The following CACNA1A variants were observed in gnomAD, a reference collection of about 807,000 sequenced individuals.
The protein encoded by CACNA1A is voltage-dependent P/Q-type calcium channel subunit alpha-1A.
A neutral mutation model predicts 262.4 loss-of-function variants in CACNA1A; 57 were observed. The ratio of observed to expected loss-of-function variants is 0.22; its 90% CI spans 0.18 to 0.27. The LOEUF (loss-of-function observed/expected upper bound fraction) is 0.27, where lower values mean the gene tolerates loss of function less well. Ranked by LOEUF, CACNA1A falls within the 10% of genes least tolerant of loss-of-function variation. The probability of loss-of-function intolerance (pLI) is 1.00; values close to 1 mark genes in which losing one functional copy is unlikely to be tolerated. For missense variants in CACNA1A, 2,526 were observed against 3,562.8 expected, an observed-to-expected ratio of 0.71 and a Z score of 7.41; for synonymous variants, 1,431 against 1,419.3, an observed-to-expected ratio of 1.01 and a Z score of -0.18.
At position 13,286,877 on chromosome 19, in the gene CACNA1A, G is replaced by C. The variant is rs763400188; in HGVS notation, c.3179C>G (p.Pro1060Arg). The change falls in exon 20 of 47, where the codon CCC becomes CGC. Residue 1060 changes from proline (P) to arginine (R), a missense_variant. Physicochemically the swap from Pro to Arg is moderately radical, Grantham distance 103. This residue lies in a region of CACNA1A where 765 missense variants were observed against 748.6 expected (regional missense o/e 1.02). Coordinates refer to ENST00000360228, the MANE Select transcript of CACNA1A (RefSeq NM_001127222.2). ...CATGTTGTCAATATCCTCTGCCAGG[G>C]GTGGGTCTTGGCGGCCCAGGTCCTG... ...IQQDLGRQDPPLAEDIDNMKN... is the reference protein window; with the variant it reads ...IQQDLGRQDPRLAEDIDNMKN... 1.3e-5 allele frequency: 21 copies of C among 1,613,692 alleles called. No individual in the cohort carries two copies. The highest frequency in any genetic ancestry group is 1.1e-5 in the Non-Finnish European group (13 of 1,179,876).
At chr19:13,462,180 T>G (rs1405941897) in intron 1 of CACNA1A, among the ~76,000 whole-genome samples, 1 of 152,198 alleles carries the variant, frequency 6.6e-6, no homozygotes, top group Non-Finnish European at 1.5e-5. Context: ...GTGGTGCCCT[T>G]CACCCTCATC....
intron 12 of CACNA1A, among the ~76,000 whole-genome samples, chr19:13,311,474 T>C (rs2058032019): frequency 6.6e-6 from 1 of 152,258 alleles, no homozygotes. Context: ...CTTGTTTGTA[T>C]GTATTTTGTT....
At chr19:13,472,357 G>A (rs1291823209) in intron 1 of CACNA1A, among the ~76,000 whole-genome samples, 1 of 151,924 alleles carries the variant, frequency 6.6e-6, no homozygotes, top group Non-Finnish European at 1.5e-5. Flanking sequence ...TTGTATATAT[G>A]TATATATATT....
chr19:13,338,010 G>A (rs998556312), intron 6 of CACNA1A, among the ~76,000 whole-genome samples: 2 of 152,190 alleles, frequency 1.3e-5, no homozygotes, highest in Non-Finnish European at 2.9e-5. Context: ...ATGAGGTCAG[G>A]AGATCGAGGC....
At position 13,286,740 on chromosome 19, in the gene CACNA1A, T is replaced by TGGGGCC. The variant is rs776584949; in HGVS notation, c.3310_3315dup (p.Gly1104_Pro1105dup). 2 of 1,602,412 alleles carry TGGGGCC rather than the reference T, an allele frequency of 1.2e-6. No homozygotes were observed. Among genetic ancestry groups the TGGGGCC allele is most frequent in the Non-Finnish European group, 1.7e-6 (2 of 1,173,842 alleles). On this transcript the variant is annotated inframe_insertion, in exon 20 of 47. Transcript: ENST00000360228. ...GTGGCCATGGCAGGGATGGCCAGCA[T>TGGGGCC]GGGGCCGGGGTCGGTGCTGTTTCCC...
chr19:13,231,336 A>C (rs2055659514), intron 35 of CACNA1A, among the ~76,000 whole-genome samples: 1 of 152,012 alleles, frequency 6.6e-6, no homozygotes, highest in Non-Finnish European at 1.5e-5. Flanking sequence ...TTGAGTCTCA[A>C]ATGGGGGAAT....
chr19:13,457,840 CA>C (rs1469668144), intron 1 of CACNA1A, among the ~76,000 whole-genome samples: 1 of 76,852 alleles, frequency 1.3e-5, no homozygotes, highest in Non-Finnish European at 2.6e-5. Flanking sequence ...GCAACAAAAG[CA>C]AAACTCCGTT....
intron 3 of CACNA1A, among the ~76,000 whole-genome samples, chr19:13,416,907 G>A (rs2060231941): frequency 6.6e-6 from 1 of 152,174 alleles, no homozygotes; most frequent in South Asian, 2.1e-4. Flanking sequence ...GCTGAGGCAG[G>A]AGGATTGTTG....
intron 3 of CACNA1A, among the ~76,000 whole-genome samples, chr19:13,409,483 C>T (rs181964318): frequency 2.5e-4 from 38 of 152,138 alleles, no homozygotes; most frequent in African/African-American, 8.4e-4. Context: ...TCTGTATCTC[C>T]AGCATCTAGC....
At chr19:13,495,336 G>T (rs1405770480) in intron 1 of CACNA1A, among the ~76,000 whole-genome samples, 2 of 151,906 alleles carry the variant, frequency 1.3e-5, no homozygotes, top group South Asian at 4.1e-4. Flanking sequence ...TCGTTCTGTC[G>T]CCCAAGCTGG....
chr19:13,467,200 G>C (rs148937671), intron 1 of CACNA1A, among the ~76,000 whole-genome samples: 1 of 152,256 alleles, frequency 6.6e-6, no homozygotes, highest in Non-Finnish European at 1.5e-5. Flanking sequence ...GTTATCTCTG[G>C]GAGGTGGGAT....
At chr19:13,496,913 A>T (rs2145151857) in intron 1 of CACNA1A, among the ~76,000 whole-genome samples, 1 of 152,300 alleles carries the variant, frequency 6.6e-6, no homozygotes, top group East Asian at 1.9e-4. Context: ...AGCTATTAGG[A>T]TCCCCATGGA....
chr19:13,281,854 C>T (rs1039050065), intron 22 of CACNA1A, among the ~76,000 whole-genome samples: 2 of 152,208 alleles, frequency 1.3e-5, no homozygotes, highest in African/African-American at 4.8e-5. Context: ...CAAACAGTCC[C>T]TGGGGCCTGG....
At chr19:13,259,312 C>CCTTT (rs2056658771) in intron 27 of CACNA1A, 1 of 52,196 alleles carries the variant, frequency 1.9e-5, no homozygotes, top group Non-Finnish European at 3.7e-5. Context: ...TGCCTGGCAG[C>CCTTT]TTTTTTTTTT....
intron 32 of CACNA1A, 99 bp from the exon 33 acceptor site, chr19:13,235,373 C>A: frequency 8.6e-7 from 1 of 1,169,558 alleles, no homozygotes; most frequent in South Asian, 1.3e-5. Context: ...GGTTGGGTGG[C>A]CATATGCCAC....
intron 11 of CACNA1A, 96 bp from the exon 12 acceptor site, chr19:13,312,877 C>A: frequency 1.7e-6 from 1 of 593,134 alleles, no homozygotes; most frequent in Non-Finnish European, 2.9e-6. Flanking sequence ...CATTTTTAAA[C>A]TTTTTATTTT....
At chr19:13,329,403 G>A (rs2058428435) in intron 10 of CACNA1A, among the ~76,000 whole-genome samples, 1 of 152,010 alleles carries the variant, frequency 6.6e-6, no homozygotes, top group South Asian at 2.1e-4. Flanking sequence ...TACCATTACA[G>A]GTTTATTTGT....
intron 3 of CACNA1A, among the ~76,000 whole-genome samples, chr19:13,381,896 G>T (rs2059529489): frequency 6.6e-6 from 1 of 152,108 alleles, no homozygotes; most frequent in Non-Finnish European, 1.5e-5. Context: ...GAGGACTTTG[G>T]CTTTTTCTCT....
At chr19:13,484,649 G>A (rs888968180) in intron 1 of CACNA1A, among the ~76,000 whole-genome samples, 1 of 152,192 alleles carries the variant, frequency 6.6e-6, no homozygotes, top group Admixed American at 6.5e-5. Flanking sequence ...GCAGCAACCA[G>A]TGGAACTATT....
Sources: gnomAD v4.1 joint callset for allele counts (sites outside exome capture counted in the v4.1 genomes callset) on GRCh38, gnomAD v4.1.1 for gene constraint, gnomAD v4.1.1 regional missense constraint, MANE v1.5 for transcripts, NCBI Gene and HGNC (gene_info 2026-07-23, HGNC 2026-07-21) for gene names.